ARID1B: variants seen among roughly 807,000 people sequenced by gnomAD.
The protein encoded by ARID1B is AT-rich interactive domain-containing protein 1B.
A neutral mutation model predicts 212.3 loss-of-function variants in ARID1B; 30 were observed. The ratio of observed to expected loss-of-function variants is 0.14; its 90% CI spans 0.11 to 0.19. ARID1B has a LOEUF of 0.19. Ranked by LOEUF, ARID1B falls within the 10% of genes least tolerant of loss-of-function variation. The pLI, the probability that ARID1B is intolerant of heterozygous loss-of-function variation, is 1.00. For synonymous variants in ARID1B, 1,402 were observed against 1,301.7 expected (o/e 1.08, Z -1.66); for missense variants, 2,891 against 3,204.0 (o/e 0.90, Z 2.36).
In ARID1B at chr6:157,174,053, T is replaced by C. The variant is rs1791911530; in HGVS notation, c.3281T>C (p.Leu1094Pro). ...ADMMSPGESK[L>P]PLPLKADGKE... ...ATGATGTCTCCTGGTGAATCCAAAC[T>C]GCCCCTGCCTCTCAAAGCAGACGGC... Residue 1094 changes from leucine to proline, a missense_variant, in exon 10 of 20, where the codon CTG becomes CCG. Physicochemically the swap from Leu to Pro is moderately conservative, Grantham distance 98. Coordinates refer to ENST00000636930, the MANE Select transcript of ARID1B (RefSeq NM_001374828.1). 6.2e-7 allele frequency: 1 copy of C among 1,614,172 alleles called. No homozygotes were observed. The highest frequency in any genetic ancestry group is 8.5e-7 in the Non-Finnish European group (1 of 1,180,018).
chr6:157,095,424 AC>A (rs1292655658), intron 5 of ARID1B, among the ~76,000 whole-genome samples: 1 of 152,196 alleles, frequency 6.6e-6, no homozygotes, highest in Non-Finnish European at 1.5e-5. Flanking sequence ...TTCTGAGGAA[AC>A]CCTGGGGTAC....
In ARID1B at chr6:157,077,672, C is replaced by T. The variant is rs532919470; in HGVS notation, c.2248-6990C>T. ...CGTCAGTCTGTCCTCTTAGCACTTA[C>T]TAATTCACCCTCCATCATAGAATTT... On this transcript the variant is annotated intron_variant, in intron 4 of 19. Coordinates refer to ENST00000636930, the MANE Select transcript of ARID1B (RefSeq NM_001374828.1). Among the ~76,000 whole-genome samples the T allele has an allele frequency of 4.4e-4, 67 of 152,328 alleles. No homozygotes were observed. In the Middle Eastern group the frequency reaches 0.024, roughly 54 times the overall value.
intron 3 of ARID1B, among the ~76,000 whole-genome samples, chr6:156,906,442 G>A (rs987560286): frequency 1.3e-5 from 2 of 150,966 alleles, no homozygotes; most frequent in Admixed American, 1.3e-4. Context: ...CTACTCGGGA[G>A]GCTGAGGCAG....
intron 4 of ARID1B, among the ~76,000 whole-genome samples, chr6:157,020,346 T>TA (rs1780147222): frequency 1.3e-5 from 2 of 152,360 alleles, no homozygotes; most frequent in South Asian, 2.1e-4. Flanking sequence ...GTAAGGGATG[T>TA]AATTTAAACA....
chr6:156,965,092 ATGT>A (rs1282383926), intron 4 of ARID1B, among the ~76,000 whole-genome samples: 3 of 152,198 alleles, frequency 2.0e-5, no homozygotes, highest in African/African-American at 7.2e-5. Context: ...TATGTCCTGT[ATGT>A]TGTTTATCAG....
rs537366870 is a variant in ARID1B at position 156,905,267 on chromosome 6, C to G, written c.2136+3742C>G. 2.8e-4 allele frequency among the ~76,000 whole-genome samples: 43 copies of G among 152,038 alleles called. No homozygotes were observed. In the South Asian group the frequency reaches 6.9e-3, roughly 24 times the overall value. ...ATATGCACGCACACACACACACACA[C>G]ACACACACACACACAGATTTATTAT... On this transcript the variant is annotated intron_variant, in intron 3 of 19. Coordinates refer to ENST00000636930, the MANE Select transcript of ARID1B (RefSeq NM_001374828.1).
At chr6:157,196,363 C>T in intron 16 of ARID1B, 48 bp downstream of exon 16, 1 of 1,565,926 alleles carries the variant, frequency 6.4e-7, no homozygotes, top group Non-Finnish European at 8.6e-7. Flanking sequence ...AGAAACCGTG[C>T]TTTCCTCACA....
At chr6:157,010,180 A>G (rs1178782747) in intron 4 of ARID1B, among the ~76,000 whole-genome samples, 2 of 151,372 alleles carry the variant, frequency 1.3e-5, no homozygotes, top group East Asian at 3.9e-4. Flanking sequence ...GTTTTTCTCT[A>G]TCTTTGGGTA....
At chr6:156,779,610 G>T (rs1252787632) in intron 1 of ARID1B, 139 bp downstream of exon 1, 45 of 925,068 alleles carry the variant, frequency 4.9e-5, no homozygotes, top group South Asian at 1.0e-4. Flanking sequence ...CCATCTTGAC[G>T]GGCGGCCGCC....
chr6:157,167,183 C>G lies in ARID1B; in HGVS notation c.3233C>G (p.Ala1078Gly), dbSNP rs2128291217. 6.2e-7 allele frequency: 1 copy of G among 1,605,802 alleles called. No individual in the cohort carries two copies. Among genetic ancestry groups the G allele is most frequent in the Non-Finnish European group, 8.5e-7 (1 of 1,179,440 alleles). ...GCGCCCGCCATGGTGAACAGCTCGG[C>G]AGGTAACCTTGGCAGCTCTGCGCTC... ...SMAPAMVNSS[A>G]ASVGLADMMS... The change falls in exon 9 of 20, where the codon GCA becomes GGA. Residue 1078 changes from alanine (A) to glycine (G), a missense_variant and splice_region_variant. Physicochemically the swap from Ala to Gly is moderately conservative, Grantham distance 60. Transcript: ENST00000636930.
rs111847256 is a variant in ARID1B, at chr6:157,080,073, G to C, written c.2248-4589G>C. Among the ~76,000 whole-genome samples the C allele has an allele frequency of 5.6e-3, 852 of 152,220 alleles. 4 individuals are homozygous for C. Among genetic ancestry groups the C allele is most frequent in the African/African-American group, 0.019 (802 of 41,518 alleles). ...ACAAGAGACCTGAACTGGTCTCATT[G>C]ATTGAAATATCTTCTCTATTTCTGA... On this transcript the variant is annotated intron_variant, in intron 4 of 19. Transcript: ENST00000636930.
At chr6:156,927,866 G>C (rs1372350354) in intron 3 of ARID1B, among the ~76,000 whole-genome samples, 3 of 152,142 alleles carry the variant, frequency 2.0e-5, no homozygotes, top group Non-Finnish European at 4.4e-5. Context: ...TAGCATCCCC[G>C]TCTTAGAAAA....
intron 15 of ARID1B, chr6:157,195,656 C>T (rs112602886): frequency 0.021 from 3,359 of 157,904 alleles, 112 homozygotes; most frequent in African/African-American, 0.076. Context: ...AAGGTGCCCA[C>T]CGGGCAGGGG....
At chr6:156,984,146 T>C (rs1215002799) in intron 4 of ARID1B, among the ~76,000 whole-genome samples, 1 of 152,126 alleles carries the variant, frequency 6.6e-6, no homozygotes, top group Non-Finnish European at 1.5e-5. Context: ...AGGGGATTCG[T>C]TGAGCGTCTC....
intron 1 of ARID1B, among the ~76,000 whole-genome samples, chr6:156,794,159 C>T (rs2115237915): frequency 6.6e-6 from 1 of 152,224 alleles, no homozygotes; most frequent in East Asian, 1.9e-4. Flanking sequence ...TTCTGTCTGT[C>T]AGTAGGGCCA....
chr6:157,002,044 G>T (rs769671422), intron 4 of ARID1B, among the ~76,000 whole-genome samples: 19 of 152,158 alleles, frequency 1.2e-4, no homozygotes, highest in Non-Finnish European at 2.4e-4. Flanking sequence ...ATATTAGCTG[G>T]GATAGTATAT....
intron 1 of ARID1B, among the ~76,000 whole-genome samples, chr6:156,803,890 T>C (rs1293991094): frequency 6.6e-6 from 1 of 152,220 alleles, no homozygotes; most frequent in African/African-American, 2.4e-5. Flanking sequence ...AAACGTAATT[T>C]ACGTGGTTGC....
At chr6:157,007,201 A>G (rs755738792) in intron 4 of ARID1B, among the ~76,000 whole-genome samples, 2 of 152,232 alleles carry the variant, frequency 1.3e-5, no homozygotes. Context: ...TTCAAATGGA[A>G]ATTCTTTGAG....
At chr6:156,988,676 A>G (rs539179355) in intron 4 of ARID1B, among the ~76,000 whole-genome samples, 1 of 152,198 alleles carries the variant, frequency 6.6e-6, no homozygotes, top group African/African-American at 2.4e-5. Flanking sequence ...CCACTGCAGC[A>G]TCCAACACAG....
Sources: allele counts gnomAD v4.1 joint callset (sites outside exome capture counted in the v4.1 genomes callset), GRCh38; gene constraint gnomAD v4.1.1; transcripts MANE v1.5; gene names NCBI Gene and HGNC (gene_info 2026-07-23, HGNC 2026-07-21).